The following RUNDC3B variants were observed in gnomAD, a reference collection of about 807,000 sequenced individuals.
RUNDC3B encodes the protein RUN domain-containing protein 3B.
In RUNDC3B, 33 loss-of-function variants were observed where a neutral mutation model predicts 58.4. The ratio of observed to expected loss-of-function variants is 0.56; its 90% CI spans 0.43 to 0.75. The LOEUF (loss-of-function observed/expected upper bound fraction) is 0.75. Ranked by LOEUF, RUNDC3B falls within the 30% of genes least tolerant of loss-of-function variation. RUNDC3B has a pLI of 0.00. For missense variants in RUNDC3B, 501 were observed against 535.7 expected, an observed-to-expected ratio of 0.94 and a Z score of 0.64; for synonymous variants, 193 against 195.2, an observed-to-expected ratio of 0.99 and a Z score of 0.10.
At chr7:87,664,895 T>C (rs895088711) in intron 2 of RUNDC3B, among the ~76,000 whole-genome samples, 3 of 152,110 alleles carry the variant, frequency 2.0e-5, no homozygotes, top group Admixed American at 6.6e-5. Context: ...TTTCACAAAA[T>C]TTAACATCCT....
Position 87,685,178 on chromosome 7 carries a change from A to G in RUNDC3B, c.239-15243A>G, listed in dbSNP as rs1585097212. On this transcript the variant is annotated intron_variant, in intron 2 of 10. Transcript: ENST00000394654. Reference sequence around the variant, plus strand: ...CATAGACCAGGAAAAAATATTTGCAAATCACATGTTTGACAAAGGGATTGT... The same window carrying G: ...CATAGACCAGGAAAAAATATTTGCAGATCACATGTTTGACAAAGGGATTGT... Among the ~76,000 whole-genome samples the G allele has an allele frequency of 2.6e-5, 4 of 152,330 alleles. No homozygotes were observed. The South Asian group carries it at 8.3e-4, about 32-fold the overall frequency.
chr7:87,657,721 C>G (rs1824255594), intron 2 of RUNDC3B, among the ~76,000 whole-genome samples: 1 of 152,126 alleles, frequency 6.6e-6, no homozygotes, highest in Admixed American at 6.6e-5. Flanking sequence ...ATGTCTTTCA[C>G]TGTCACCCAG....
intron 8 of RUNDC3B, among the ~76,000 whole-genome samples, chr7:87,801,850 T>C (rs893674373): frequency 3.9e-5 from 6 of 152,208 alleles, no homozygotes; most frequent in African/African-American, 1.4e-4. Flanking sequence ...AGTCATGTGA[T>C]AAATCTTCAC....
At chr7:87,773,108 G>C (rs1329069586) in intron 7 of RUNDC3B, among the ~76,000 whole-genome samples, 1 of 152,004 alleles carries the variant, frequency 6.6e-6, no homozygotes, top group Admixed American at 6.5e-5. Flanking sequence ...CGGATCACGA[G>C]GTCAGGAGTT....
chr7:87,666,595 A>C (rs1585044328), intron 2 of RUNDC3B, among the ~76,000 whole-genome samples: 1 of 151,840 alleles, frequency 6.6e-6, no homozygotes. Flanking sequence ...TTTCCTATGT[A>C]AACTTCCATG....
chr7:87,695,045 ATATACT>A (rs1488835604), intron 2 of RUNDC3B, among the ~76,000 whole-genome samples: 2 of 152,124 alleles, frequency 1.3e-5, no homozygotes, highest in African/African-American at 4.8e-5. Context: ...TGCCTAAATG[ATATACT>A]TGAAGTGTCC....
intron 1 of RUNDC3B, among the ~76,000 whole-genome samples, chr7:87,640,235 TA>T (rs1297941585): frequency 6.6e-6 from 1 of 150,836 alleles, no homozygotes; most frequent in African/African-American, 2.4e-5. Context: ...TTTATTACCA[TA>T]TTTTTTTACA....
intron 2 of RUNDC3B, among the ~76,000 whole-genome samples, chr7:87,668,031 A>AT (rs566466239): frequency 1.3e-5 from 2 of 151,126 alleles, no homozygotes; most frequent in African/African-American, 4.9e-5. Context: ...CCTCTTCCTC[A>AT]TTTTTTTGGA....
intron 8 of RUNDC3B, among the ~76,000 whole-genome samples, chr7:87,789,472 C>G (rs1357563866): frequency 6.6e-6 from 1 of 152,074 alleles, no homozygotes; most frequent in African/African-American, 2.4e-5. Flanking sequence ...TTCTGATGCA[C>G]AAGTTTAAGA....
intron 2 of RUNDC3B, among the ~76,000 whole-genome samples, chr7:87,695,178 C>G (rs1194973779): frequency 6.6e-6 from 1 of 152,022 alleles, no homozygotes; most frequent in African/African-American, 2.4e-5. Context: ...TATACTTGTT[C>G]TATTTTTTAG....
intron 6 of RUNDC3B, among the ~76,000 whole-genome samples, chr7:87,749,301 A>G (rs1043819830): frequency 1.2e-4 from 19 of 152,220 alleles, no homozygotes; most frequent in African/African-American, 4.6e-4. Flanking sequence ...CTCATGATGT[A>G]CCATCATAAT....
intron 4 of RUNDC3B, among the ~76,000 whole-genome samples, chr7:87,736,780 T>G (rs571887781): frequency 1.4e-5 from 2 of 145,362 alleles, no homozygotes; most frequent in East Asian, 3.9e-4. Context: ...TCTTCTCATT[T>G]ATACATATAC....
intron 6 of RUNDC3B, among the ~76,000 whole-genome samples, chr7:87,766,069 T>C (rs574094994): frequency 1.3e-5 from 2 of 152,264 alleles, no homozygotes; most frequent in African/African-American, 4.8e-5. Context: ...TTTTTCACTG[T>C]TGTTGATTTA....
intron 9 of RUNDC3B, among the ~76,000 whole-genome samples, chr7:87,810,046 G>A (rs1196050013): frequency 6.6e-6 from 1 of 151,582 alleles, no homozygotes; most frequent in African/African-American, 2.4e-5. Context: ...ATTCATTACA[G>A]TTTTAATGAT....
chr7:87,630,661 A>G (rs967144915), intron 1 of RUNDC3B, among the ~76,000 whole-genome samples: 3 of 151,470 alleles, frequency 2.0e-5, no homozygotes, highest in Admixed American at 6.6e-5. Flanking sequence ...TCACAAGGGC[A>G]GTGATTCTAT....
chr7:87,635,043 C>T (rs906599201), intron 1 of RUNDC3B, among the ~76,000 whole-genome samples: 1 of 152,112 alleles, frequency 6.6e-6, no homozygotes, highest in Non-Finnish European at 1.5e-5. Flanking sequence ...CAGTCCTTTA[C>T]TAGGGGGTAT....
At chr7:87,742,575 A>AATAG (rs3028187) in intron 6 of RUNDC3B, among the ~76,000 whole-genome samples, 33,929 of 147,676 alleles carry the variant, frequency 0.23, 3,837 homozygotes, top group Middle Eastern at 0.28. Context: ...ATCATAGATA[A>AATAG]ATAGATAGAT....
At chr7:87,657,850 G>A (rs1423847865) in intron 2 of RUNDC3B, among the ~76,000 whole-genome samples, 1 of 152,122 alleles carries the variant, frequency 6.6e-6, no homozygotes, top group Non-Finnish European at 1.5e-5. Context: ...AGCCAATTGG[G>A]AAACTTGAAC....
intron 8 of RUNDC3B, among the ~76,000 whole-genome samples, chr7:87,780,712 T>G (rs1223013960): frequency 1.3e-5 from 2 of 152,230 alleles, no homozygotes; most frequent in Non-Finnish European, 2.9e-5. Flanking sequence ...TACCCAGCTA[T>G]CACAGCACCA....
Sources: gnomAD v4.1 joint callset for allele counts (sites outside exome capture counted in the v4.1 genomes callset) on GRCh38, gnomAD v4.1.1 for gene constraint, MANE v1.5 for transcripts, NCBI Gene and HGNC (gene_info 2026-07-23, HGNC 2026-07-21) for gene names.